The following RBFOX1 variants were observed in gnomAD, a reference collection of about 807,000 sequenced individuals.
RBFOX1 encodes the protein RNA binding protein fox-1 homolog 1.
A neutral mutation model predicts 57.7 loss-of-function variants in RBFOX1; 8 were observed. That is an observed-to-expected ratio of 0.14 (90% CI 0.08 to 0.25). RBFOX1 has a LOEUF of 0.25. Ranked by LOEUF, RBFOX1 falls within the 10% of genes least tolerant of loss-of-function variation. The probability of loss-of-function intolerance (pLI) is 1.00; values close to 1 mark genes in which losing one functional copy is unlikely to be tolerated. For synonymous variants in RBFOX1, 326 were observed against 222.4 expected (o/e 1.47, Z -4.15); for missense variants, 611 against 548.5 (o/e 1.11, Z -1.14).
intron 4 of RBFOX1, among the ~76,000 whole-genome samples, chr16:7,456,597 C>T (rs1205288411): frequency 1.3e-5 from 2 of 152,198 alleles, no homozygotes; most frequent in African/African-American, 2.4e-5. Flanking sequence ...TTAAGAGTTG[C>T]AGGCAAGGGG....
intron 1 of RBFOX1, among the ~76,000 whole-genome samples, chr16:6,286,293 T>G (rs2076901525): frequency 6.6e-6 from 1 of 152,170 alleles, no homozygotes; most frequent in Non-Finnish European, 1.5e-5. Flanking sequence ...AAAGACACAT[T>G]CCCAGACAGT....
Position 7,607,212 on chromosome 16 carries a change from T to G in RBFOX1, c.623-73T>G. 3 of 1,374,944 alleles carry G rather than the reference T, an allele frequency of 2.2e-6. No individual in the cohort carries two copies. In the Admixed American group the frequency reaches 5.9e-5, roughly 27 times the overall value. The allele number at this position is 1,374,944 out of a possible 1,614,324, so 85.2% of individuals were successfully genotyped here. ...AATGAGATACTTTAACCCATTTGAT[T>G]TGTGATTCATTTGCAATTATATAAG... On this transcript the variant is annotated intron_variant, in intron 9 of 15. Transcript: ENST00000550418.
intron 1 of RBFOX1, among the ~76,000 whole-genome samples, chr16:6,131,261 T>C (rs1346120768): frequency 6.6e-6 from 1 of 152,226 alleles, no homozygotes; most frequent in East Asian, 1.9e-4. Flanking sequence ...TCTTTAAATC[T>C]TTATTAGCCT....
intron 2 of RBFOX1, among the ~76,000 whole-genome samples, chr16:6,640,813 CCTCT>C (rs1255335771): frequency 2.0e-5 from 3 of 152,042 alleles, no homozygotes; most frequent in Non-Finnish European, 4.4e-5. Context: ...GTTCTCTGGG[CCTCT>C]CTGACTAGTC....
At chr16:6,149,010 C>T (rs1308369866) in intron 1 of RBFOX1, among the ~76,000 whole-genome samples, 1 of 152,182 alleles carries the variant, frequency 6.6e-6, no homozygotes, top group Non-Finnish European at 1.5e-5. Context: ...TCAGCCATCT[C>T]ATCGAGGCCC....
At chr16:6,860,808 A>AT (rs1355334274) in intron 3 of RBFOX1, among the ~76,000 whole-genome samples, 1 of 152,232 alleles carries the variant, frequency 6.6e-6, no homozygotes, top group Admixed American at 6.5e-5. Flanking sequence ...GACATACAGT[A>AT]TGACATCATT....
At chr16:6,538,978 C>T (rs977172818) in intron 2 of RBFOX1, among the ~76,000 whole-genome samples, 2 of 152,030 alleles carry the variant, frequency 1.3e-5, no homozygotes, top group Non-Finnish European at 2.9e-5. Context: ...GTGTTTTTAC[C>T]TCCAGGTACT....
intron 4 of RBFOX1, among the ~76,000 whole-genome samples, chr16:7,508,609 T>C (rs148081794): frequency 9.1e-4 from 139 of 152,266 alleles, no homozygotes; most frequent in African/African-American, 2.8e-3. Context: ...CAAGGTATGA[T>C]TGGAAATGGA....
At chr16:6,200,596 G>A (rs1340059540) in intron 1 of RBFOX1, among the ~76,000 whole-genome samples, 2 of 152,128 alleles carry the variant, frequency 1.3e-5, no homozygotes, top group Non-Finnish European at 2.9e-5. Flanking sequence ...AGTTTCATCA[G>A]TGACACATTT....
At chr16:6,061,433 C>A (rs943396242) in intron 1 of RBFOX1, among the ~76,000 whole-genome samples, 25 of 151,750 alleles carry the variant, frequency 1.6e-4, no homozygotes, top group African/African-American at 5.3e-4. Flanking sequence ...TGTTATATAT[C>A]TATATTGTAT....
At chr16:7,095,090 C>G (rs1286635950) in intron 4 of RBFOX1, among the ~76,000 whole-genome samples, 1 of 152,046 alleles carries the variant, frequency 6.6e-6, no homozygotes, top group Non-Finnish European at 1.5e-5. Context: ...TTTGTTTTAA[C>G]TAGAATGTTC....
At chr16:5,382,021 C>A (rs1289118732) in intron 1 of RBFOX1, among the ~76,000 whole-genome samples, 1 of 152,212 alleles carries the variant, frequency 6.6e-6, no homozygotes, top group Admixed American at 6.5e-5. Flanking sequence ...CAAACTGGGA[C>A]AACCGAAAAT....
At chr16:6,688,788 G>T (rs1208263029) in intron 3 of RBFOX1, among the ~76,000 whole-genome samples, 1 of 151,964 alleles carries the variant, frequency 6.6e-6, no homozygotes, top group Non-Finnish European at 1.5e-5. Context: ...TCCTTCCCTA[G>T]CCCACCACCT....
intron 1 of RBFOX1, among the ~76,000 whole-genome samples, chr16:6,028,200 A>G (rs968600500): frequency 6.6e-6 from 1 of 152,262 alleles, no homozygotes; most frequent in Middle Eastern, 3.4e-3. Context: ...TTTCTTCAGT[A>G]TCCTTAGAAA....
At chr16:5,277,959 TG>T (rs1261547959) in intron 1 of RBFOX1, among the ~76,000 whole-genome samples, 1 of 152,170 alleles carries the variant, frequency 6.6e-6, no homozygotes, top group East Asian at 1.9e-4. Flanking sequence ...GCAGTAAATA[TG>T]GGGGTACGGG....
At chr16:6,934,851 C>A (rs145585450) in intron 3 of RBFOX1, among the ~76,000 whole-genome samples, 2 of 151,874 alleles carry the variant, frequency 1.3e-5, no homozygotes, top group Non-Finnish European at 2.9e-5. Context: ...TTTGGAAGGC[C>A]GAGGCTGGCA....
intron 3 of RBFOX1, among the ~76,000 whole-genome samples, chr16:6,949,793 C>G (rs2080316142): frequency 1.4e-5 from 2 of 147,660 alleles, no homozygotes; most frequent in Non-Finnish European, 3.1e-5. Flanking sequence ...TCATTTTCTT[C>G]TGAATTTTTT....
chr16:7,078,879 T>G (rs1025742327), intron 4 of RBFOX1, among the ~76,000 whole-genome samples: 2 of 140,354 alleles, frequency 1.4e-5, no homozygotes, highest in African/African-American at 5.2e-5. Context: ...TTTTTTTTTT[T>G]TTTTTTTTTT....
chr16:7,675,927 C>T (rs1328930778), intron 13 of RBFOX1, among the ~76,000 whole-genome samples: 1 of 152,190 alleles, frequency 6.6e-6, no homozygotes, highest in Non-Finnish European at 1.5e-5. Context: ...GCAAGAAGCT[C>T]TGTTATATTC....
Sources: allele counts gnomAD v4.1 joint callset (sites outside exome capture counted in the v4.1 genomes callset), GRCh38; gene constraint gnomAD v4.1.1; transcripts MANE v1.5; gene names NCBI Gene and HGNC (gene_info 2026-07-23, HGNC 2026-07-21).